The following MAGI1 variants were observed in gnomAD, a reference collection of about 807,000 sequenced individuals.
The protein encoded by MAGI1 is membrane associated guanylate kinase, WW and PDZ domain containing 1.
Under a neutral mutation model 139.9 loss-of-function variants are expected in MAGI1, and 58 were observed. The ratio of observed to expected loss-of-function variants is 0.41; its 90% confidence interval spans 0.34 to 0.52. The LOEUF (loss-of-function observed/expected upper bound fraction) is 0.52. MAGI1 is among the 20% of genes least tolerant of loss of function. The probability of loss-of-function intolerance (pLI) is 0.12; values close to 1 mark genes in which losing one functional copy is unlikely to be tolerated. For missense variants in MAGI1, 1,874 were observed against 1,901.6 expected (o/e 0.99, Z 0.27); for synonymous variants, 812 against 737.9 (o/e 1.10, Z -1.63).
At chr3:65,915,486 T>G (rs1259865640) in intron 1 of MAGI1, among the ~76,000 whole-genome samples, 1 of 152,196 alleles carries the variant, frequency 6.6e-6, no homozygotes, top group African/African-American at 2.4e-5. Context: ...ACTGGCTGCT[T>G]TCTCCTACAG....
At chr3:65,651,254 C>A (rs776636886) in intron 1 of MAGI1, among the ~76,000 whole-genome samples, 3 of 152,110 alleles carry the variant, frequency 2.0e-5, no homozygotes, top group South Asian at 2.1e-4. Flanking sequence ...GTACAAGGAA[C>A]CTGCCTGGTT....
intron 1 of MAGI1, among the ~76,000 whole-genome samples, chr3:65,807,509 G>C (rs2040938164): frequency 6.6e-6 from 1 of 152,116 alleles, no homozygotes; most frequent in African/African-American, 2.4e-5. Flanking sequence ...GCAGGAGAGG[G>C]ACACTTTCAC....
intron 2 of MAGI1, among the ~76,000 whole-genome samples, chr3:65,591,518 G>A (rs182047459): frequency 1.4e-3 from 217 of 152,134 alleles, no homozygotes; most frequent in Middle Eastern, 3.4e-3. Context: ...CTCTGCTTCC[G>A]CTCCTTCGGA....
At chr3:65,926,327 T>TCTCTC (rs1553731214) in intron 1 of MAGI1, among the ~76,000 whole-genome samples, 1 of 115,592 alleles carries the variant, frequency 8.7e-6, no homozygotes, top group African/African-American at 3.4e-5. Context: ...AAGTCTTCTT[T>TCTCTC]TCTCTCTCTC....
At chr3:65,900,225 T>C (rs1457793044) in intron 1 of MAGI1, among the ~76,000 whole-genome samples, 1 of 152,188 alleles carries the variant, frequency 6.6e-6, no homozygotes, top group Non-Finnish European at 1.5e-5. Flanking sequence ...ATGTCAGGCA[T>C]CCTTGGACTC....
intron 1 of MAGI1, among the ~76,000 whole-genome samples, chr3:65,954,960 G>A (rs1245717535): frequency 2.0e-5 from 3 of 152,050 alleles, no homozygotes; most frequent in Non-Finnish European, 2.9e-5. Flanking sequence ...ACTGAGAGAT[G>A]AAAGAATTGA....
intron 1 of MAGI1, among the ~76,000 whole-genome samples, chr3:65,636,301 C>G (rs1333043871): frequency 6.6e-6 from 1 of 152,124 alleles, no homozygotes; most frequent in African/African-American, 2.4e-5. Flanking sequence ...GTACATAGTG[C>G]TCTTATTTAA....
intron 1 of MAGI1, chr3:65,873,975 AATG>A (rs1559965464): frequency 1.3e-5 from 2 of 152,196 alleles, no homozygotes; most frequent in African/African-American, 4.8e-5. Context: ...TTGTGCTGCA[AATG>A]ATACCATCAA....
At chr3:65,606,140 T>C (rs542748706) in intron 2 of MAGI1, among the ~76,000 whole-genome samples, 50 of 152,282 alleles carry the variant, frequency 3.3e-4, no homozygotes, top group African/African-American at 1.2e-3. Context: ...ATGGGGATAA[T>C]ACTATTGTCC....
Position 65,356,678 on chromosome 3 carries a change from T to C in MAGI1, c.4089A>G (p.Arg1363=). ...GTCTCCGCCGGCTGGGGGAGCCGTC[T>C]CTCCTGCGGGTGGGTGACCGCTCTC... ...RRRERSPTRR[R]DGSPSRRRRS... Residue 1363 remains arginine, a synonymous_variant, in exon 23 of 23, where the codon AGA becomes AGG. Coordinates refer to ENST00000402939, the MANE Select transcript of MAGI1 (RefSeq NM_001033057.2). 1.3e-6 allele frequency: 2 copies of C among 1,585,996 alleles called. No homozygotes were observed. Among genetic ancestry groups the C allele is most frequent in the South Asian group, 2.3e-5 (2 of 86,408 alleles).
intron 1 of MAGI1, among the ~76,000 whole-genome samples, chr3:65,891,215 CA>C (rs58690899): frequency 0.032 from 3,275 of 102,094 alleles, 102 homozygotes; most frequent in African/African-American, 0.14. Flanking sequence ...AAAACACACA[CA>C]AAAAAAAAAA....
At position 65,950,087 on chromosome 3, in the gene MAGI1, AAAC is replaced by A. The variant is rs1287483774; in HGVS notation, c.313+87906_313+87908del. On this transcript the variant is annotated intron_variant, in intron 1 of 22. Coordinates refer to ENST00000402939, the MANE Select transcript of MAGI1 (RefSeq NM_001033057.2). ...AAAAACAAAAAAAAAACAAAAAAAA[AAAC>A]AAACAAAAAAAAAAAACAGAACTAG... is the stretch of plus-strand genomic sequence containing the variant. 1.8e-3 allele frequency among the ~76,000 whole-genome samples: 128 copies of A among 70,408 alleles called. 1 individual carries two copies. Among genetic ancestry groups the A allele is most frequent in the African/African-American group, 3.1e-3 (65 of 21,020 alleles). 46.2% of individuals were successfully genotyped at this position (70,408 alleles called of 152,430 possible).
intron 2 of MAGI1, among the ~76,000 whole-genome samples, chr3:65,523,073 T>G (rs1207293329): frequency 2.0e-5 from 3 of 152,168 alleles, no homozygotes; most frequent in Non-Finnish European, 4.4e-5. Flanking sequence ...ACTGATCTCC[T>G]CAACCAGAAT....
chr3:65,436,077 AT>A (rs531685041), intron 10 of MAGI1, among the ~76,000 whole-genome samples: 1 of 152,322 alleles, frequency 6.6e-6, no homozygotes, highest in African/African-American at 2.4e-5. Flanking sequence ...CATTATCACC[AT>A]TAAAAAGTGC....
chr3:65,817,504 T>A (rs1319031352), intron 1 of MAGI1, among the ~76,000 whole-genome samples: 1 of 152,156 alleles, frequency 6.6e-6, no homozygotes, highest in African/African-American at 2.4e-5. Context: ...GAGCTTAGCT[T>A]CAAAAATTAA....
chr3:65,738,247 C>T (rs2034950346), intron 1 of MAGI1, among the ~76,000 whole-genome samples: 1 of 152,228 alleles, frequency 6.6e-6, no homozygotes, highest in African/African-American at 2.4e-5. Context: ...TTTTCCAGCA[C>T]ATATAAAAGT....
chr3:65,762,926 T>A (rs1455008576), intron 1 of MAGI1, among the ~76,000 whole-genome samples: 1 of 152,186 alleles, frequency 6.6e-6, no homozygotes. Flanking sequence ...CACAACTTTA[T>A]ATACAAGGAT....
chr3:65,576,676 C>T (rs907641561), intron 2 of MAGI1, among the ~76,000 whole-genome samples: 2 of 152,130 alleles, frequency 1.3e-5, no homozygotes, highest in East Asian at 1.9e-4. Context: ...CCTTTAAGAG[C>T]CAATTCAGAA....
chr3:65,950,075 AAACAAAAAAAAAAAC>A (rs2063742116), intron 1 of MAGI1, among the ~76,000 whole-genome samples: 1 of 73,354 alleles, frequency 1.4e-5, no homozygotes, highest in Non-Finnish European at 3.5e-5. Flanking sequence ...AACAAAAAAA[AAACAAAAAAAAAAAC>A]AAACAAAAAA....
Sources: allele counts gnomAD v4.1 joint callset (sites outside exome capture counted in the v4.1 genomes callset), GRCh38; gene constraint gnomAD v4.1.1; transcripts MANE v1.5; gene names NCBI Gene and HGNC (gene_info 2026-07-23, HGNC 2026-07-21).